Variants in MLLT3 observed in about 807,000 individuals in gnomAD.
The protein encoded by MLLT3 is MLLT3 super elongation complex subunit.
MLLT3 carries 4 observed loss-of-function variants against 53.2 expected under a neutral mutation model. The ratio of observed to expected loss-of-function variants is 0.08; its 90% CI spans 0.04 to 0.17. The LOEUF (loss-of-function observed/expected upper bound fraction) is 0.17, where lower values mean the gene tolerates loss of function less well. Among genes scored for constraint, MLLT3 ranks in the 10% least tolerant of loss-of-function variants. The pLI is 1.00. For missense variants in MLLT3, 569 were observed against 684.0 expected, an observed-to-expected ratio of 0.83 and a Z score of 1.87; for synonymous variants, 283 against 230.6, an observed-to-expected ratio of 1.23 and a Z score of -2.06.
chr9:20,604,809 A>T (rs1159165084), intron 2 of MLLT3, among the ~76,000 whole-genome samples: 4 of 152,156 alleles, frequency 2.6e-5, no homozygotes, highest in Admixed American at 1.3e-4. Flanking sequence ...GGATAACGAA[A>T]ACAAAATTAT....
At chr9:20,500,598 G>A (rs1484176167) in intron 2 of MLLT3, among the ~76,000 whole-genome samples, 1 of 152,062 alleles carries the variant, frequency 6.6e-6, no homozygotes, top group East Asian at 1.9e-4. Flanking sequence ...GTTCTCCCTG[G>A]GGCATCAAGA....
chr9:20,527,528 T>A (rs1818234543), intron 2 of MLLT3, among the ~76,000 whole-genome samples: 1 of 152,194 alleles, frequency 6.6e-6, no homozygotes, highest in Non-Finnish European at 1.5e-5. Context: ...AAAAGTCACC[T>A]AATGTCACAG....
At chr9:20,541,008 T>C (rs1329446930) in intron 2 of MLLT3, among the ~76,000 whole-genome samples, 1 of 152,178 alleles carries the variant, frequency 6.6e-6, no homozygotes, top group African/African-American at 2.4e-5. Flanking sequence ...TCTTCCACCA[T>C]ATACCCTAAA....
At chr9:20,366,788 A>C (rs1329886890) in intron 5 of MLLT3, among the ~76,000 whole-genome samples, 2 of 152,198 alleles carry the variant, frequency 1.3e-5, no homozygotes, top group African/African-American at 4.8e-5. Context: ...ATTTCAAAAG[A>C]AGACATTTAT....
chr9:20,603,656 T>C (rs1361250624), intron 2 of MLLT3, among the ~76,000 whole-genome samples: 1 of 152,114 alleles, frequency 6.6e-6, no homozygotes, highest in Non-Finnish European at 1.5e-5. Flanking sequence ...AGAAAAGGGT[T>C]TGCAAAAACT....
Position 20,393,103 on chromosome 9 carries a change from T to A in MLLT3, c.1125+20618A>T, listed in dbSNP as rs987225428. ...CCAGGAGGCTGAGATTGCAGTGAGC[T>A]GAGATCATGCCATTGCACTCCAGCC... On this transcript the variant is annotated intron_variant, in intron 5 of 10. Coordinates refer to ENST00000380338, the MANE Select transcript of MLLT3 (RefSeq NM_004529.4). Among the ~76,000 whole-genome samples the A allele has an allele frequency of 2.0e-5, 3 of 152,016 alleles. No homozygotes were observed. The South Asian group carries it at 6.2e-4, about 32-fold the overall frequency.
At chr9:20,539,805 C>G (rs1002109222) in intron 2 of MLLT3, among the ~76,000 whole-genome samples, 1 of 152,176 alleles carries the variant, frequency 6.6e-6, no homozygotes, top group Admixed American at 6.5e-5. Flanking sequence ...GAAGTCTTAA[C>G]TCATTCCAGC....
intron 2 of MLLT3, among the ~76,000 whole-genome samples, chr9:20,540,187 C>T (rs1818592970): frequency 6.6e-6 from 1 of 152,236 alleles, no homozygotes; most frequent in South Asian, 2.1e-4. Flanking sequence ...CAGCTGCTTT[C>T]ACGGGCTGGT....
chr9:20,574,339 C>G (rs548370746), intron 2 of MLLT3, among the ~76,000 whole-genome samples: 1 of 152,196 alleles, frequency 6.6e-6, no homozygotes, highest in Non-Finnish European at 1.5e-5. Flanking sequence ...ATTTATACCA[C>G]ACATTTTAAA....
At chr9:20,490,138 T>A (rs1824911973) in intron 2 of MLLT3, among the ~76,000 whole-genome samples, 1 of 152,182 alleles carries the variant, frequency 6.6e-6, no homozygotes, top group Non-Finnish European at 1.5e-5. Context: ...TTAAGTACCA[T>A]GACAGGCAGA....
intron 10 of MLLT3, among the ~76,000 whole-genome samples, chr9:20,351,330 T>C (rs1821024745): frequency 6.6e-6 from 1 of 152,226 alleles, no homozygotes; most frequent in African/African-American, 2.4e-5. Context: ...CAGACGTGGA[T>C]GCAAATCCAG....
At chr9:20,429,646 C>G (rs1040488463) in intron 4 of MLLT3, among the ~76,000 whole-genome samples, 3 of 152,102 alleles carry the variant, frequency 2.0e-5, no homozygotes, top group Admixed American at 2.0e-4. Flanking sequence ...TTGTCAAGCA[C>G]TACATTAACA....
chr9:20,549,428 T>C (rs1008247653), intron 2 of MLLT3, among the ~76,000 whole-genome samples: 4 of 152,084 alleles, frequency 2.6e-5, no homozygotes, highest in Admixed American at 2.0e-4. Context: ...ATAATATTAG[T>C]AGTAATAATA....
intron 2 of MLLT3, among the ~76,000 whole-genome samples, chr9:20,558,415 A>G (rs983436634): frequency 4.6e-5 from 7 of 152,166 alleles, no homozygotes; most frequent in African/African-American, 1.7e-4. Context: ...TGCTGTGATT[A>G]CAGACGTGAG....
intron 2 of MLLT3, among the ~76,000 whole-genome samples, chr9:20,461,843 GCTTTA>G (rs1824115657): frequency 6.6e-6 from 1 of 152,044 alleles, no homozygotes; most frequent in Admixed American, 6.6e-5. Flanking sequence ...ATAATTATTG[GCTTTA>G]CTTTATTTAC....
At chr9:20,371,681 G>C (rs757970031) in intron 5 of MLLT3, among the ~76,000 whole-genome samples, 1 of 152,154 alleles carries the variant, frequency 6.6e-6, no homozygotes, top group Non-Finnish European at 1.5e-5. Context: ...CAATGTACCT[G>C]GTCACCTGAA....
intron 5 of MLLT3, among the ~76,000 whole-genome samples, chr9:20,376,398 A>G (rs575479931): frequency 6.6e-6 from 1 of 152,356 alleles, no homozygotes; most frequent in Admixed American, 6.5e-5. Context: ...TACCCTCTCA[A>G]CTGTTAGCAA....
chr9:20,389,824 C>T (rs1217842280), intron 5 of MLLT3, among the ~76,000 whole-genome samples: 1 of 152,200 alleles, frequency 6.6e-6, no homozygotes, highest in African/African-American at 2.4e-5. Flanking sequence ...AAGAAAACCA[C>T]TTTAAATGGG....
chr9:20,475,612 T>C (rs1475655481), intron 2 of MLLT3, among the ~76,000 whole-genome samples: 1 of 152,142 alleles, frequency 6.6e-6, no homozygotes, highest in African/African-American at 2.4e-5. Flanking sequence ...TGATTAAATA[T>C]GGTATTTGGT....
Sources: allele counts gnomAD v4.1 joint callset (sites outside exome capture counted in the v4.1 genomes callset), GRCh38; gene constraint gnomAD v4.1.1; transcripts MANE v1.5; gene names NCBI Gene and HGNC (gene_info 2026-07-23, HGNC 2026-07-21).